The following RBFOX3 variants were observed in gnomAD, a reference collection of about 807,000 sequenced individuals.
RBFOX3 encodes RNA binding protein fox-1 homolog 3.
In RBFOX3, 17 loss-of-function variants were observed where a neutral mutation model predicts 48.7. That is an observed-to-expected ratio of 0.35 (90% CI 0.24 to 0.52). The LOEUF (loss-of-function observed/expected upper bound fraction) is 0.52, where lower values mean the gene tolerates loss of function less well. Ranked by LOEUF, RBFOX3 falls within the 20% of genes least tolerant of loss-of-function variation. The probability of loss-of-function intolerance (pLI) is 0.94; values close to 1 mark genes in which losing one functional copy is unlikely to be tolerated. For missense variants in RBFOX3, 382 were observed against 497.5 expected (o/e 0.77, Z 2.21); for synonymous variants, 212 against 209.5 (o/e 1.01, Z -0.10).
chr17:79,374,716 C>T (rs2085350), intron 2 of RBFOX3, among the ~76,000 whole-genome samples: 65,161 of 151,872 alleles, frequency 0.43, 14,958 homozygotes, highest in East Asian at 0.74. Context: ...CTTTTAAGAA[C>T]ACTCCATATC....
chr17:79,623,423 G>T, the RBFOX3 span, among the ~76,000 whole-genome samples: 10 of 152,284 alleles, frequency 6.6e-5, no homozygotes, highest in East Asian at 1.9e-3. Context: ...AGGAAGGAAG[G>T]TTCCAGATGG....
chr17:79,375,476 C>T (rs1213054376), intron 2 of RBFOX3, among the ~76,000 whole-genome samples: 2 of 152,102 alleles, frequency 1.3e-5, no homozygotes, highest in African/African-American at 4.8e-5. Context: ...AACATACTCT[C>T]GGCCCCCAGG....
rs371940464 is a variant in RBFOX3 at position 79,493,632 on chromosome 17, T to C, written c.-319-11034A>G. On this transcript the variant is annotated intron_variant, in intron 1 of 14. Transcript: ENST00000693108. ...GTCACTCTGTCATAGCTGCCTGGCA[T>C]TTGTTGCAAGTTGTAATTATATTTT... Among the ~76,000 whole-genome samples, 496 of 152,282 alleles carry C rather than the reference T, an allele frequency of 3.3e-3. 6 individuals are homozygous for C. The highest frequency in any genetic ancestry group is 0.02 in the Middle Eastern group (6 of 294).
intron 1 of RBFOX3, among the ~76,000 whole-genome samples, chr17:79,511,649 C>A (rs1415167274): frequency 6.6e-6 from 1 of 152,072 alleles, no homozygotes; most frequent in African/African-American, 2.4e-5. Flanking sequence ...CTAGCACAGC[C>A]CCATGGCCAG....
intron 1 of RBFOX3, among the ~76,000 whole-genome samples, chr17:79,557,785 C>T (rs2091892356): frequency 6.6e-6 from 1 of 152,140 alleles, no homozygotes; most frequent in Non-Finnish European, 1.5e-5. Context: ...TCGTGGGAGG[C>T]CTCCTGGGCC....
At chr17:79,625,073 G>C in the RBFOX3 span, among the ~76,000 whole-genome samples, 121 of 152,086 alleles carry the variant, frequency 8.0e-4, no homozygotes, top group Non-Finnish European at 1.5e-3. Context: ...AGATATGCCC[G>C]TGAAACCATC....
intron 1 of RBFOX3, among the ~76,000 whole-genome samples, chr17:79,522,954 AAATG>A (rs2086316514): frequency 6.9e-6 from 1 of 144,774 alleles, no homozygotes; most frequent in Non-Finnish European, 1.5e-5. Context: ...AAAAAAAAAA[AAATG>A]CAAGGAAGCT....
At chr17:79,465,404 A>G (rs1457018218) in intron 2 of RBFOX3, among the ~76,000 whole-genome samples, 9 of 152,178 alleles carry the variant, frequency 5.9e-5, no homozygotes, top group Non-Finnish European at 1.2e-4. Context: ...ACCACGGAGG[A>G]CTGGAGGGCC....
chr17:79,389,106 G>GA (rs11452435), intron 2 of RBFOX3, among the ~76,000 whole-genome samples: 1 of 152,002 alleles, frequency 6.6e-6, no homozygotes, highest in African/African-American at 2.4e-5. Flanking sequence ...GCGCGGGGGG[G>GA]CGGTGTGGCA....
At chr17:79,110,663 G>A (rs1053180661) in intron 5 of RBFOX3, among the ~76,000 whole-genome samples, 4 of 152,250 alleles carry the variant, frequency 2.6e-5, no homozygotes, top group Admixed American at 1.3e-4. Context: ...CTCTGCGTGT[G>A]GTCTCAACCT....
At chr17:79,510,495 AG>A (rs1480625837) in intron 1 of RBFOX3, among the ~76,000 whole-genome samples, 6 of 152,186 alleles carry the variant, frequency 3.9e-5, no homozygotes, top group African/African-American at 1.4e-4. Flanking sequence ...TCGGGGCCAC[AG>A]GGAGAGGGGC....
chr17:79,095,507 C>T lies in RBFOX3; in HGVS notation c.998+6G>A, dbSNP rs899704753. ...GCTCCAGAACAGTGCTGGCCCCCGG[C>T]CTCACCTGTCGCTGTAGGCTGCCGC... On this transcript the variant is annotated splice_donor_region_variant and intron_variant, in intron 13 of 14. Coordinates refer to ENST00000693108, the MANE Select transcript of RBFOX3 (RefSeq NM_001350451.2). 5.2e-6 allele frequency: 8 copies of T among 1,551,206 alleles called. No individual in the cohort carries two copies. The highest frequency in any genetic ancestry group is 7.0e-6 in the Non-Finnish European group (8 of 1,146,662).
intron 4 of RBFOX3, among the ~76,000 whole-genome samples, chr17:79,121,319 CCT>C (rs2035684100): frequency 6.6e-6 from 1 of 152,164 alleles, no homozygotes; most frequent in Non-Finnish European, 1.5e-5. Context: ...CTGCCAGCAC[CCT>C]GACAGGCTGC....
At chr17:79,366,510 C>A (rs1038614662) in intron 2 of RBFOX3, among the ~76,000 whole-genome samples, 7 of 152,118 alleles carry the variant, frequency 4.6e-5, no homozygotes, top group Non-Finnish European at 7.4e-5. Flanking sequence ...AGTCAGTGTC[C>A]CCAGAGCCTG....
At chr17:79,309,353 G>A (rs2076530540) in intron 2 of RBFOX3, among the ~76,000 whole-genome samples, 2 of 151,710 alleles carry the variant, frequency 1.3e-5, no homozygotes, top group South Asian at 2.1e-4. Context: ...CTCCCACCCC[G>A]TGGCTCTGGC....
chr17:79,442,992 G>A (rs903120820), intron 2 of RBFOX3, among the ~76,000 whole-genome samples: 54 of 152,340 alleles, frequency 3.5e-4, no homozygotes, highest in African/African-American at 1.2e-3. Flanking sequence ...CAGCAGCTCG[G>A]CATTGGTCAG....
chr17:79,257,612 G>C (rs1470107569), intron 3 of RBFOX3, among the ~76,000 whole-genome samples: 2 of 152,098 alleles, frequency 1.3e-5, no homozygotes, highest in African/African-American at 2.4e-5. Context: ...ACAGAGTCTT[G>C]CTCTGTTACC....
intron 2 of RBFOX3, among the ~76,000 whole-genome samples, chr17:79,438,029 TATGCACACACAGGC>T (rs1184571201): frequency 1.3e-5 from 2 of 151,932 alleles, no homozygotes; most frequent in Non-Finnish European, 2.9e-5. Context: ...ACAAGCACAC[TATGCACACACAGGC>T]ATGCACACAC....
intron 2 of RBFOX3, among the ~76,000 whole-genome samples, chr17:79,415,906 A>G (rs2065275629): frequency 6.6e-6 from 1 of 152,014 alleles, no homozygotes. Flanking sequence ...CACACACTGG[A>G]GCAGGCCCCT....
Sources: allele counts gnomAD v4.1 joint callset (sites outside exome capture counted in the v4.1 genomes callset), GRCh38; gene constraint gnomAD v4.1.1; transcripts MANE v1.5; gene names NCBI Gene and HGNC (gene_info 2026-07-23, HGNC 2026-07-21).